The following SMAD5 variants were observed in gnomAD, a reference collection of about 807,000 sequenced individuals.
SMAD5 encodes the protein SMAD family member 5, also known as MAD, mothers against decapentaplegic homolog 5.
In SMAD5, 9 loss-of-function variants were observed where a neutral mutation model predicts 43.1. That is an observed-to-expected ratio of 0.21 (90% CI 0.13 to 0.36). The LOEUF (loss-of-function observed/expected upper bound fraction) is 0.36. Among genes scored for constraint, SMAD5 ranks in the 10% least tolerant of loss-of-function variants. The pLI is 1.00. For synonymous variants in SMAD5, 190 were observed against 192.4 expected (o/e 0.99, Z 0.10); for missense variants, 348 against 574.0 (o/e 0.61, Z 4.02).
At chr5:136,134,691 A>G (rs1387733125) in intron 1 of SMAD5, 1 of 152,252 alleles carries the variant, frequency 6.6e-6, no homozygotes, top group Non-Finnish European at 1.5e-5. Flanking sequence ...ACCTTCATAA[A>G]GGTTGTAGAT....
At chr5:136,166,954 T>TA (rs1458526592) in intron 5 of SMAD5, among the ~76,000 whole-genome samples, 2 of 152,200 alleles carry the variant, frequency 1.3e-5, no homozygotes, top group East Asian at 3.8e-4. Context: ...CCTTTGTAGA[T>TA]ACCTTTTTCA....
At chr5:136,140,274 C>T (rs374490822) in intron 1 of SMAD5, among the ~76,000 whole-genome samples, 7 of 152,180 alleles carry the variant, frequency 4.6e-5, no homozygotes, top group African/African-American at 1.2e-4. Context: ...TTGCCCACCT[C>T]GGCCCAGGAT....
chr5:136,136,601 T>G, intron 1 of SMAD5, among the ~76,000 whole-genome samples: 1 of 152,210 alleles, frequency 6.6e-6, no homozygotes, highest in East Asian at 1.9e-4. Context: ...AGGACTAATC[T>G]CATAGGCCAC....
intron 3 of SMAD5, 92 bp from the exon 4 acceptor site, chr5:136,160,764 T>C: frequency 8.0e-7 from 1 of 1,251,092 alleles, no homozygotes; most frequent in Non-Finnish European, 1.1e-6. Flanking sequence ...AGGTTTACAG[T>C]CTTACATGAA....
chr5:136,148,254 G>GT (rs139474987), intron 2 of SMAD5, among the ~76,000 whole-genome samples: 51,509 of 149,960 alleles, frequency 0.34, 9,584 homozygotes, highest in African/African-American at 0.51. Flanking sequence ...GCTTTAAGTT[G>GT]TTCTTTTTTT....
intron 1 of SMAD5, among the ~76,000 whole-genome samples, chr5:136,144,109 C>A (rs540980139): frequency 6.6e-6 from 1 of 151,984 alleles, no homozygotes; most frequent in Non-Finnish European, 1.5e-5. Flanking sequence ...TTCATTCATA[C>A]GGCAGTTTTG....
At chr5:136,139,195 G>C (rs751474100) in intron 1 of SMAD5, among the ~76,000 whole-genome samples, 1 of 150,926 alleles carries the variant, frequency 6.6e-6, no homozygotes, top group Admixed American at 6.6e-5. Context: ...TGTGTGTCTC[G>C]GGGTGGGTAT....
chr5:136,161,153 A>C lies in SMAD5; in HGVS notation c.655+46A>C, dbSNP rs138671161. 795 of 1,575,618 alleles carry C rather than the reference A, an allele frequency of 5.0e-4. 7 individuals are homozygous for C. In the African/African-American group the frequency reaches 9.7e-3, roughly 19 times the overall value. ...TACCAAAAAAAAAAAAATTCCTAAG[A>C]ATCACAGTTGTTCTTACTGTGGGCC... On this transcript the variant is annotated intron_variant, in intron 4 of 7. Transcript: ENST00000545279.
intron 1 of SMAD5, among the ~76,000 whole-genome samples, chr5:136,142,635 GA>G (rs368697817): frequency 2.6e-5 from 4 of 152,278 alleles, no homozygotes; most frequent in African/African-American, 9.6e-5. Flanking sequence ...GGTATACTAT[GA>G]AAGGCCAAGA....
intron 3 of SMAD5, among the ~76,000 whole-genome samples, chr5:136,157,929 C>T (rs905336594): frequency 2.0e-5 from 3 of 152,124 alleles, no homozygotes; most frequent in African/African-American, 7.2e-5. Context: ...CCAAATACTA[C>T]CTCAAGCCTT....
chr5:136,157,397 T>C (rs146536662), intron 3 of SMAD5, among the ~76,000 whole-genome samples: 1 of 152,218 alleles, frequency 6.6e-6, no homozygotes, highest in East Asian at 1.9e-4. Context: ...TCCATAGAAT[T>C]GGTTGGGGGA....
intron 3 of SMAD5, among the ~76,000 whole-genome samples, chr5:136,158,614 T>C (rs1305432588): frequency 6.6e-6 from 1 of 152,104 alleles, no homozygotes; most frequent in Non-Finnish European, 1.5e-5. Flanking sequence ...AGTTGGAAGA[T>C]CTGGGCCTGG....
At chr5:136,159,201 G>T (rs1444021457) in intron 3 of SMAD5, among the ~76,000 whole-genome samples, 7 of 152,120 alleles carry the variant, frequency 4.6e-5, no homozygotes. Flanking sequence ...TCTATTTTGG[G>T]GATGGGAGTG....
rs982394522 is a variant in SMAD5 at position 136,182,663 on chromosome 5, C to T, written c.*5183C>T. ...TTTTACTATATTGTGCTTTTGAAAGCCATAACTCTTAAGAACTTTGTTTTT... is the reference window on the plus strand; with the variant it reads ...TTTTACTATATTGTGCTTTTGAAAGTCATAACTCTTAAGAACTTTGTTTTT... On this transcript the variant is annotated 3_prime_UTR_variant, in exon 8 of 8. Transcript: ENST00000545279. The T allele has an allele frequency of 6.5e-6, 1 of 152,718 alleles. No individual in the cohort carries two copies. Among genetic ancestry groups the T allele is most frequent in the African/African-American group, 2.4e-5 (1 of 41,566 alleles). 9.5% of individuals were successfully genotyped at this position (152,718 alleles called of 1,614,324 possible).
At position 136,181,326 on chromosome 5, in the gene SMAD5, C is replaced by A. The variant is rs764626881; in HGVS notation, c.*3846C>A. On this transcript the variant is annotated 3_prime_UTR_variant, in exon 8 of 8. Coordinates refer to ENST00000545279, the MANE Select transcript of SMAD5 (RefSeq NM_005903.7). ...AAAGAATGTCAGATCCCTTCTTTGT[C>A]TTACTAGTTAAATCCTCACCTAATC... 1.3e-5 allele frequency: 2 copies of A among 152,080 alleles called. No homozygotes were observed. The highest frequency in any genetic ancestry group is 2.9e-5 in the Non-Finnish European group (2 of 67,964). 9.4% of individuals were successfully genotyped at this position (152,080 alleles called of 1,614,324 possible). A position where few individuals can be genotyped will look rare whatever the true frequency, so the allele number is the denominator to read the frequency against.
intron 7 of SMAD5, among the ~76,000 whole-genome samples, chr5:136,176,273 G>A (rs1754410816): frequency 6.6e-6 from 1 of 151,670 alleles, no homozygotes; most frequent in Non-Finnish European, 1.5e-5. Context: ...AGCCAACATG[G>A]TGAAACCCTG....
chr5:136,137,113 T>C (rs568239748), intron 1 of SMAD5, among the ~76,000 whole-genome samples: 25 of 152,068 alleles, frequency 1.6e-4, no homozygotes, highest in African/African-American at 5.3e-4. Context: ...TCTTCCTCCT[T>C]TTACTGTATC....
At chr5:136,146,384 G>A (rs1753257348) in intron 1 of SMAD5, among the ~76,000 whole-genome samples, 1 of 151,714 alleles carries the variant, frequency 6.6e-6, no homozygotes. Flanking sequence ...ATTATGGGGT[G>A]TTAGATACAC....
intron 1 of SMAD5, among the ~76,000 whole-genome samples, chr5:136,135,940 A>G (rs1463960442): frequency 6.6e-6 from 1 of 152,218 alleles, no homozygotes; most frequent in South Asian, 2.1e-4. Flanking sequence ...CTTATAGCCT[A>G]TGATTTGCCC....
Sources: gnomAD v4.1 joint callset for allele counts (sites outside exome capture counted in the v4.1 genomes callset) on GRCh38, gnomAD v4.1.1 for gene constraint, MANE v1.5 for transcripts, NCBI Gene and HGNC (gene_info 2026-07-23, HGNC 2026-07-21) for gene names.